MAST4: variants seen among roughly 807,000 people sequenced by gnomAD.
MAST4 encodes the protein microtubule-associated serine/threonine-protein kinase 4.
In MAST4, 89 loss-of-function variants were observed where a neutral mutation model predicts 162.7. That is an observed-to-expected ratio of 0.55 (90% CI 0.46 to 0.65). MAST4 has a LOEUF of 0.65. Ranked by LOEUF, MAST4 falls within the 30% of genes least tolerant of loss-of-function variation. The pLI, the probability that MAST4 is intolerant of heterozygous loss-of-function variation, is 0.00. For synonymous variants in MAST4, 1,479 were observed against 1,361.1 expected, an observed-to-expected ratio of 1.09 and a Z score of -1.91; for missense variants, 3,153 against 3,374.0, an observed-to-expected ratio of 0.93 and a Z score of 1.62.
intron 2 of MAST4, among the ~76,000 whole-genome samples, chr5:66,766,505 G>A (rs1754103733): frequency 6.6e-6 from 1 of 151,570 alleles, no homozygotes; most frequent in Admixed American, 6.6e-5. Context: ...TTTTTAAAAC[G>A]GCATTTTTTA....
chr5:67,148,483 G>A (rs1771373517), intron 23 of MAST4, among the ~76,000 whole-genome samples: 1 of 152,148 alleles, frequency 6.6e-6, no homozygotes, highest in Admixed American at 6.5e-5. Flanking sequence ...CACCAGACCA[G>A]GGTCAGTGAT....
At chr5:67,127,847 A>G (rs966195106) in intron 14 of MAST4, among the ~76,000 whole-genome samples, 2 of 152,374 alleles carry the variant, frequency 1.3e-5, no homozygotes, top group African/African-American at 4.8e-5. Flanking sequence ...CAAAGTAGGA[A>G]ATAATTTAAA....
chr5:67,014,716 T>G (rs2150363592), intron 4 of MAST4, among the ~76,000 whole-genome samples: 1 of 152,340 alleles, frequency 6.6e-6, no homozygotes, highest in Non-Finnish European at 1.5e-5. Flanking sequence ...CCTGCTCTCT[T>G]CAGTCCAGTT....
At chr5:66,974,706 G>T (rs1208357896) in intron 4 of MAST4, among the ~76,000 whole-genome samples, 2 of 152,184 alleles carry the variant, frequency 1.3e-5, no homozygotes, top group African/African-American at 2.4e-5. Flanking sequence ...GGAATCTAAT[G>T]CTGGCCACTA....
chr5:66,735,625 C>T lies in MAST4; in HGVS notation c.364-24084C>T, dbSNP rs531597976. Among the ~76,000 whole-genome samples the T allele has an allele frequency of 3.3e-5, 5 of 152,150 alleles. No homozygotes were observed. In the South Asian group the frequency reaches 8.3e-4, roughly 25 times the overall value. ...ATGCGCTTTGACAATTTGTGGATAA[C>T]CTAAATTTGCTAGCAAAATTTTGTT... On this transcript the variant is annotated intron_variant, in intron 1 of 28. Coordinates refer to ENST00000403625, the MANE Select transcript of MAST4 (RefSeq NM_001164664.2).
At chr5:66,999,807 G>A (rs765354479) in intron 4 of MAST4, among the ~76,000 whole-genome samples, 12 of 151,210 alleles carry the variant, frequency 7.9e-5, no homozygotes, top group Non-Finnish European at 1.5e-4. Context: ...ATATTTTTTG[G>A]TATTTTCCAG....
chr5:66,656,768 T>G (rs1746577364), intron 1 of MAST4, among the ~76,000 whole-genome samples: 1 of 152,218 alleles, frequency 6.6e-6, no homozygotes, highest in South Asian at 2.1e-4. Context: ...ACCTCCCAGT[T>G]TTAAAGTACT....
chr5:66,662,561 T>C (rs1217401294), intron 1 of MAST4: 3 of 152,240 alleles, frequency 2.0e-5, no homozygotes, highest in Admixed American at 6.5e-5. Context: ...TTTTGAACTT[T>C]GGGCAATCCA....
intron 4 of MAST4, among the ~76,000 whole-genome samples, chr5:66,934,721 T>C (rs1742540582): frequency 6.6e-6 from 1 of 152,142 alleles, no homozygotes; most frequent in Admixed American, 6.6e-5. Context: ...TGTCTCTTTT[T>C]CTAAACCCAG....
intron 3 of MAST4, among the ~76,000 whole-genome samples, chr5:66,832,931 A>G (rs1341627046): frequency 6.6e-6 from 1 of 152,182 alleles, no homozygotes; most frequent in Non-Finnish European, 1.5e-5. Flanking sequence ...GTGGGTCCTT[A>G]GTTTATTAGA....
chr5:67,128,474 A>T (rs923634735), intron 14 of MAST4, among the ~76,000 whole-genome samples: 4 of 152,348 alleles, frequency 2.6e-5, no homozygotes, highest in African/African-American at 9.6e-5. Context: ...GAAGAAAAAT[A>T]TGAGCAAAGC....
intron 1 of MAST4, among the ~76,000 whole-genome samples, chr5:66,701,186 A>G (rs895549214): frequency 2.0e-5 from 3 of 152,248 alleles, no homozygotes; most frequent in African/African-American, 7.2e-5. Flanking sequence ...CATTCTAGCA[A>G]GTGACCAAAA....
intron 5 of MAST4, among the ~76,000 whole-genome samples, chr5:67,076,943 T>C (rs1218545579): frequency 6.6e-6 from 1 of 152,184 alleles, no homozygotes; most frequent in Non-Finnish European, 1.5e-5. Flanking sequence ...TGCCCAGCAC[T>C]CTGTGGTCTA....
intron 1 of MAST4, among the ~76,000 whole-genome samples, chr5:66,700,085 T>C (rs894342660): frequency 1.3e-5 from 2 of 152,234 alleles, no homozygotes; most frequent in East Asian, 1.9e-4. Flanking sequence ...TCTTCTGCTC[T>C]GTGGCTTTGC....
chr5:66,687,843 G>A (rs893774211), intron 1 of MAST4, among the ~76,000 whole-genome samples: 3 of 152,100 alleles, frequency 2.0e-5, no homozygotes, highest in African/African-American at 7.2e-5. Context: ...GGGATTTCTA[G>A]CAGCAATTTT....
At chr5:67,021,706 G>C (rs1754002706) in intron 4 of MAST4, among the ~76,000 whole-genome samples, 1 of 152,194 alleles carries the variant, frequency 6.6e-6, no homozygotes, top group Non-Finnish European at 1.5e-5. Context: ...GACTGTGGTA[G>C]AATGTGCCAG....
intron 1 of MAST4, among the ~76,000 whole-genome samples, chr5:66,694,649 G>A (rs957097296): frequency 3.3e-5 from 5 of 152,004 alleles, no homozygotes; most frequent in African/African-American, 1.2e-4. Flanking sequence ...ACCATGCCCT[G>A]CTAATTTTTG....
intron 1 of MAST4, among the ~76,000 whole-genome samples, chr5:66,744,877 G>A (rs569512410): frequency 2.2e-4 from 33 of 152,270 alleles, no homozygotes; most frequent in African/African-American, 7.9e-4. Context: ...TTATTTTAAA[G>A]CTTTTTCCAG....
Position 67,100,499 on chromosome 5 carries a change from A to G in MAST4, c.977A>G (p.His326Arg), listed in dbSNP as rs1232818495. The G allele has an allele frequency of 6.2e-7, 1 of 1,613,738 alleles. No individual in the cohort carries two copies. The highest frequency in any genetic ancestry group is 2.2e-5 in the East Asian group (1 of 44,892). The change falls in exon 8 of 29, where the codon CAC (histidine) becomes CGC (arginine). Residue 326 changes from histidine (H) to arginine (R), a missense_variant. Around this residue, in one of 7 missense-constraint regions of MAST4, gnomAD observed 360 missense variants for 450.0 expected, o/e 0.80. Coordinates refer to ENST00000403625, the MANE Select transcript of MAST4 (RefSeq NM_001164664.2). ...TACCAACCAACACCAGACGAGTTAC[A>G]CTTCTTATCAAAACATTTCTGTACC... ...LPYQPTPDEL[H>R]FLSKHFCTTE...
Sources: allele counts gnomAD v4.1 joint callset (sites outside exome capture counted in the v4.1 genomes callset), GRCh38; gene constraint gnomAD v4.1.1; regional missense constraint gnomAD v4.1.1; transcripts MANE v1.5; gene names NCBI Gene and HGNC (gene_info 2026-07-23, HGNC 2026-07-21).